ITGA10: variants seen among roughly 807,000 people sequenced by gnomAD.
The protein encoded by ITGA10 is integrin subunit alpha 10, also known as integrin alpha-10.
ITGA10 carries 105 observed loss-of-function variants against 145.2 expected under a neutral mutation model. The ratio of observed to expected loss-of-function variants is 0.72; its 90% confidence interval spans 0.62 to 0.85. The LOEUF (loss-of-function observed/expected upper bound fraction) is 0.85, where lower values mean the gene tolerates loss of function less well. ITGA10 is among the 40% of genes least tolerant of loss of function. The pLI is 0.00. For synonymous variants in ITGA10, 506 were observed against 557.8 expected (o/e 0.91, Z 1.31); for missense variants, 1,317 against 1,444.5 (o/e 0.91, Z 1.43).
Position 145,904,727 on chromosome 1 carries a change from C to G in ITGA10, c.566G>C (p.Arg189Pro), listed in dbSNP as rs199921055. ...AATAAACAGTTTCCCTACCAGTCTTCGTAGGAAGGTCTGAACTTCAGACCA... is the reference window on the plus strand; with the variant it reads ...AATAAACAGTTTCCCTACCAGTCTTGGTAGGAAGGTCTGAACTTCAGACCA... ...YPWSEVQTFLRRLVGKLFIDP... is the reference protein window; with the variant it reads ...YPWSEVQTFLPRLVGKLFIDP... The change falls in exon 6 of 30, where the codon CGA becomes CCA. Residue 189 changes from arginine to proline, a missense_variant. Physicochemically the swap from Arg to Pro is moderately radical, Grantham distance 103. Transcript: ENST00000369304. 1.6e-4 allele frequency: 259 copies of G among 1,613,826 alleles called. 1 individual carries two copies. In the East Asian group the frequency reaches 5.7e-3, roughly 36 times the overall value.
chr1:145,904,812 C>A lies in ITGA10; in HGVS notation c.482-1G>T, dbSNP rs1553750552. On this transcript the variant is annotated splice_acceptor_variant, in intron 5 of 29. Coordinates refer to ENST00000369304, the MANE Select transcript of ITGA10 (RefSeq NM_003637.5). LOFTEE classifies it high-confidence loss of function. Reference sequence around the variant, plus strand: ...ACAACATCCATGTATGTTGGGCAGCCTAGAAGGAAGGAGAACACTGAGGTA... The same window carrying A: ...ACAACATCCATGTATGTTGGGCAGCATAGAAGGAAGGAGAACACTGAGGTA... The A allele has an allele frequency of 6.2e-7, 1 of 1,613,580 alleles. No individual in the cohort carries two copies. The highest frequency in any genetic ancestry group is 1.1e-5 in the South Asian group (1 of 91,060).
Position 145,898,139 on chromosome 1 carries a change from C to T in ITGA10, c.2317G>A (p.Glu773Lys). ...TTTTGTATAGAGGTGGGTGAGCCCTCATTCAGCACAGGCCCTGGCTTTGTA... is the reference window on the plus strand; with the variant it reads ...TTTTGTATAGAGGTGGGTGAGCCCTTATTCAGCACAGGCCCTGGCTTTGTA... ...NTTKPGPVLN[E>K]GSPTSIQKLV... is the part of the protein sequence containing the mutation. The change falls in exon 18 of 30, where the codon GAG (glutamate) becomes AAG (lysine). Residue 773 changes from glutamate to lysine, a missense_variant. Coordinates refer to ENST00000369304, the MANE Select transcript of ITGA10 (RefSeq NM_003637.5). 1 of 1,614,040 alleles carries T rather than the reference C, an allele frequency of 6.2e-7. No individual in the cohort carries two copies. The highest frequency in any genetic ancestry group is 8.5e-7 in the Non-Finnish European group (1 of 1,179,954).
chr1:145,905,303 A>G (rs1485184630), intron 5 of ITGA10, among the ~76,000 whole-genome samples: 3 of 151,542 alleles, frequency 2.0e-5, no homozygotes, highest in Admixed American at 1.3e-4. Flanking sequence ...TTTTTGAGAC[A>G]GAGTCTCGCT....
chr1:145,893,920 C>T, intron 27 of ITGA10, among the ~76,000 whole-genome samples: 2 of 151,846 alleles, frequency 1.3e-5, no homozygotes, highest in Middle Eastern at 6.8e-3. Flanking sequence ...CTCTACCCCT[C>T]CTTTAGATTG....
rs1657198388 is a variant in ITGA10, at chr1:145,906,754, T to C, written c.345A>G (p.Thr115=). 6.2e-7 allele frequency: 1 copy of C among 1,613,194 alleles called. No individual in the cohort carries two copies. The highest frequency in any genetic ancestry group is 8.5e-7 in the Non-Finnish European group (1 of 1,179,152). The change falls in exon 4 of 30, where the codon ACA becomes ACG. Residue 115 remains threonine, a synonymous_variant. Coordinates refer to ENST00000369304, the MANE Select transcript of ITGA10 (RefSeq NM_003637.5). ...TCACCATGAATCCCCCATCACCATC[T>C]GTCTCTAACAGAGACATCCCCAGGT... ...NMHLGMSLLE[T]DGDGGFMACA...
Position 145,901,352 on chromosome 1 carries a change from C to G in ITGA10, c.1444-74G>C, listed in dbSNP as rs1439719767. Reference sequence around the variant, plus strand: ...GTAGACAAGTGGACTCAGTGGGAAGCACTCACCAGCCTGCTAGTCTGCTCC... The same window carrying G: ...GTAGACAAGTGGACTCAGTGGGAAGGACTCACCAGCCTGCTAGTCTGCTCC... On this transcript the variant is annotated intron_variant, in intron 12 of 29. Coordinates refer to ENST00000369304, the MANE Select transcript of ITGA10 (RefSeq NM_003637.5). This position sits in a 1 kb window ranked among gnomAD's most constrained non-coding sequence, Gnocchi z 4.3. 1.3e-6 allele frequency: 2 copies of G among 1,566,872 alleles called. No homozygotes were observed. Among genetic ancestry groups the G allele is most frequent in the Non-Finnish European group, 1.7e-6 (2 of 1,148,248 alleles).
In ITGA10 at chr1:145,896,324, G is replaced by A; in HGVS notation, c.2863C>T (p.His955Tyr). The A allele has an allele frequency of 6.2e-7, 1 of 1,614,076 alleles. No individual in the cohort carries two copies. Among genetic ancestry groups the A allele is most frequent in the African/African-American group, 1.3e-5 (1 of 75,044 alleles). The change falls in exon 24 of 30, where the codon CAC becomes TAC. Residue 955 changes from histidine to tyrosine, a missense_variant. Coordinates refer to ENST00000369304, the MANE Select transcript of ITGA10 (RefSeq NM_003637.5). Reference sequence around the variant, plus strand: ...CCCACTGGGAGGGTCCCATATGGGTGAACCTCATAGCGGTGCAGGGTAGAC... The same window carrying A: ...CCCACTGGGAGGGTCCCATATGGGTAAACCTCATAGCGGTGCAGGGTAGAC... ...SESTLHRYEV[H>Y]PYGTLPVGPG...
In ITGA10 at chr1:145,907,138, G is replaced by T; in HGVS notation, c.177C>A (p.Gly59=). 6.4e-7 allele frequency: 1 copy of T among 1,560,160 alleles called. No homozygotes were observed. The highest frequency in any genetic ancestry group is 8.7e-7 in the Non-Finnish European group (1 of 1,151,398). ...VGGGQRWMLV[G]APWDGPSGDR... ...CGCCTGAAGGCCCATCCCAGGGGGC[G>T]CCCACCAGCATCCTGGGAAGAGGAT... The change falls in exon 3 of 30, where the codon GGC becomes GGA. Residue 59 remains glycine, a synonymous_variant. Transcript: ENST00000369304.
chr1:145,897,831 C>G lies in ITGA10; in HGVS notation c.2416G>C (p.Asp806His). 1 of 1,614,004 alleles carries G rather than the reference C, an allele frequency of 6.2e-7. No individual in the cohort carries two copies. Among genetic ancestry groups the G allele is most frequent in the Non-Finnish European group, 8.5e-7 (1 of 1,179,890 alleles). The stretch of plus-strand genomic sequence containing the variant: ...CCATCCAACCTGGAGCCTCTGATGT[C>G]CATATTCACTTGAAGCACCAGGTCT... Reference protein sequence around the residue: ...VTDLVLQVNMDIRGSRKAPFV... With the variant: ...VTDLVLQVNMHIRGSRKAPFV... Residue 806 changes from aspartate (D) to histidine (H), a missense_variant, in exon 19 of 30, where the codon GAC becomes CAC. By Grantham distance (81) the Asp-to-His change is moderately conservative (BLOSUM62 -1). Transcript: ENST00000369304.
rs373685240 is a variant in ITGA10 at position 145,897,606 on chromosome 1, G to A, written c.2480C>T (p.Ser827Phe). The A allele has an allele frequency of 2.5e-6, 4 of 1,613,992 alleles. No individual in the cohort carries two copies. Among genetic ancestry groups the A allele is most frequent in the Non-Finnish European group, 2.5e-6 (3 of 1,180,018 alleles). Reference sequence around the variant, plus strand: ...TTCCTTTCTGTTCTCCAGAGTTGTAGATACCAGCACTTTCCGCCGGCCACC... The same window carrying A: ...TTCCTTTCTGTTCTCCAGAGTTGTAAATACCAGCACTTTCCGCCGGCCACC... Reference protein sequence around the residue: ...VRGGRRKVLVSTTLENRKENA... With the variant: ...VRGGRRKVLVFTTLENRKENA... The change falls in exon 20 of 30, where the codon TCT becomes TTT. Residue 827 changes from serine to phenylalanine, a missense_variant. Transcript: ENST00000369304.
In ITGA10 at chr1:145,907,387, C is replaced by G. The variant is rs782652963; in HGVS notation, c.131G>C (p.Ser44Thr). 1 of 1,614,204 alleles carries G rather than the reference C, an allele frequency of 6.2e-7. No individual in the cohort carries two copies. Among genetic ancestry groups the G allele is most frequent in the Non-Finnish European group, 8.5e-7 (1 of 1,180,046 alleles). ...TCCACCCCCAACATGTTGTAAGACA[C>G]TGTATCCAAATTCAGCTTCTGGTGG... Reference protein sequence around the residue: ...PGPPEAEFGYSVLQHVGGGQR... With the variant: ...PGPPEAEFGYTVLQHVGGGQR... Residue 44 changes from serine (S) to threonine (T), a missense_variant, in exon 2 of 30, where the codon AGT becomes ACT. Transcript: ENST00000369304.
chr1:145,901,952 G>C lies in ITGA10; in HGVS notation c.1219C>G (p.His407Asp), dbSNP rs587645672. 1.2e-6 allele frequency: 2 copies of C among 1,614,124 alleles called. No individual in the cohort carries two copies. Among genetic ancestry groups the C allele is most frequent in the South Asian group, 2.2e-5 (2 of 91,078 alleles). ...GCCATTCGTGGGGGGAAAAGGCGGT[G>C]GCCTCCTTCAAGCCATAGCACAGAG... Reference protein sequence around the residue: ...GGSVLWLEGGHRLFPPRMALE... With the variant: ...GGSVLWLEGGDRLFPPRMALE... Residue 407 changes from histidine to aspartate, a missense_variant, in exon 11 of 30, where the codon CAC becomes GAC. Physicochemically the swap from His to Asp is moderately conservative, Grantham distance 81. Coordinates refer to ENST00000369304, the MANE Select transcript of ITGA10 (RefSeq NM_003637.5). This position sits in a 1 kb window ranked among gnomAD's most constrained non-coding sequence, Gnocchi z 4.3.
intron 14 of ITGA10, 55 bp downstream of exon 14, chr1:145,900,734 AT>A: frequency 6.4e-7 from 1 of 1,551,802 alleles, no homozygotes; most frequent in Non-Finnish European, 8.9e-7. Flanking sequence ...AGCAAAGAGC[AT>A]CCCCCTATTC....
Position 145,896,298 on chromosome 1 carries a change from A to T in ITGA10, c.2889T>A (p.Gly963=). ...EVHPYGTLPV[G]PGPEFKTTLR... Reference sequence around the variant, plus strand: ...GAGTGGTTTTGAATTCTGGGCCAGGACCCACTGGGAGGGTCCCATATGGGT... The same window carrying T: ...GAGTGGTTTTGAATTCTGGGCCAGGTCCCACTGGGAGGGTCCCATATGGGT... Residue 963 remains glycine (G), a synonymous_variant, in exon 24 of 30, where the codon GGT becomes GGA. Transcript: ENST00000369304. The T allele has an allele frequency of 6.2e-7, 1 of 1,613,972 alleles. No homozygotes were observed. Among genetic ancestry groups the T allele is most frequent in the Non-Finnish European group, 8.5e-7 (1 of 1,179,904 alleles).
Position 145,901,968 on chromosome 1 carries a change from T to C in ITGA10, c.1203A>G (p.Leu401=), listed in dbSNP as rs782729975. The change falls in exon 11 of 30, where the codon CTA becomes CTG. Residue 401 remains leucine, a synonymous_variant. Coordinates refer to ENST00000369304, the MANE Select transcript of ITGA10 (RefSeq NM_003637.5). The surrounding 1 kb of genome is among the most constrained non-coding windows in gnomAD (Gnocchi z 4.3). ...VGAYDWGGSV[L]WLEGGHRLFP... The stretch of plus-strand genomic sequence containing the variant: ...AAAGGCGGTGGCCTCCTTCAAGCCA[T>C]AGCACAGAGCCTCCCCAGTCATAGG... The C allele has an allele frequency of 4.3e-6, 7 of 1,613,876 alleles. No individual in the cohort carries two copies. In the Admixed American group the frequency reaches 1.0e-4, roughly 23 times the overall value.
intron 27 of ITGA10, 79 bp from the exon 28 acceptor site, chr1:145,893,714 A>G (rs1655005314): frequency 1.8e-6 from 2 of 1,120,312 alleles, no homozygotes; most frequent in Non-Finnish European, 2.6e-6. Flanking sequence ...CCAACAGCAA[A>G]GTTGAGGCTG....
chr1:145,899,231 G>A lies in ITGA10; in HGVS notation c.2033C>T (p.Ala678Val), dbSNP rs782136957. 6.2e-6 allele frequency: 10 copies of A among 1,614,142 alleles called. No homozygotes were observed. Among genetic ancestry groups the A allele is most frequent in the Non-Finnish European group, 8.5e-6 (10 of 1,180,058 alleles). Residue 678 changes from alanine (A) to valine (V), a missense_variant, in exon 16 of 30, where the codon GCA becomes GTA. Ala to Val is a moderately conservative substitution (Grantham distance 64, BLOSUM62 0). Coordinates refer to ENST00000369304, the MANE Select transcript of ITGA10 (RefSeq NM_003637.5). Reference protein sequence around the residue: ...RRGQEAVCLTAALCFQVTSRT... With the variant: ...RRGQEAVCLTVALCFQVTSRT... ...GGAGGTCACTTGGAAGCAAAGGGCT[G>A]CAGTCAGACAGACTGCCTCTTGGCC...
Position 145,904,822 on chromosome 1 carries a change from G to A in ITGA10, c.482-11C>T, listed in dbSNP as rs1656897403. On this transcript the variant is annotated splice_polypyrimidine_tract_variant and intron_variant, in intron 5 of 29. Coordinates refer to ENST00000369304, the MANE Select transcript of ITGA10 (RefSeq NM_003637.5). ...TGTATGTTGGGCAGCCTAGAAGGAAGGAGAACACTGAGGTAGAGGACACTG... is the reference window on the plus strand; with the variant it reads ...TGTATGTTGGGCAGCCTAGAAGGAAAGAGAACACTGAGGTAGAGGACACTG... 3.1e-6 allele frequency: 5 copies of A among 1,613,396 alleles called. No homozygotes were observed. The highest frequency in any genetic ancestry group is 2.7e-5 in the African/African-American group (2 of 75,022).
At chr1:145,893,006 T>A in intron 29 of ITGA10, 143 bp from the exon 30 acceptor site, 1 of 930,444 alleles carries the variant, frequency 1.1e-6, no homozygotes, top group Non-Finnish European at 1.7e-6. Flanking sequence ...TAGAATAATT[T>A]AACCAACATT....
Sources: gnomAD v4.1 joint callset for allele counts (sites outside exome capture counted in the v4.1 genomes callset) on GRCh38, gnomAD v4.1.1 for gene constraint, Gnocchi (gnomAD v3.1) non-coding constraint, MANE v1.5 for transcripts, NCBI Gene and HGNC (gene_info 2026-07-23, HGNC 2026-07-21) for gene names.